Variants in SLC39A9 observed in about 807,000 individuals in gnomAD.
The protein encoded by SLC39A9 is zinc transporter ZIP9.
A neutral mutation model predicts 28.4 loss-of-function variants in SLC39A9; 14 were observed. That is an observed-to-expected ratio of 0.49 (90% CI 0.33 to 0.77). The LOEUF is 0.77. SLC39A9 is among the 30% of genes least tolerant of loss of function. The pLI, the probability that SLC39A9 is intolerant of heterozygous loss-of-function variation, is 0.02. For missense variants in SLC39A9, 283 were observed against 381.1 expected, an observed-to-expected ratio of 0.74 and a Z score of 2.14; for synonymous variants, 119 against 149.6, an observed-to-expected ratio of 0.80 and a Z score of 1.49.
chr14:69,454,857 G>C lies in SLC39A9; in HGVS notation c.518G>C (p.Ser173Thr), dbSNP rs534487237. ...LGAAASTSQT[S>T]VQLIVFVAIM... is the part of the protein sequence containing the mutation. ...GCAGCAGCATCTACTTCACAGACCA[G>C]TGTCCAGTTAATTGTGTTTGTGGCA... Residue 173 changes from serine to threonine, a missense_variant, in exon 5 of 7, where the codon AGT becomes ACT. Physicochemically the swap from Ser to Thr is moderately conservative, Grantham distance 58. Transcript: ENST00000336643. 6.2e-6 allele frequency: 10 copies of C among 1,613,970 alleles called. No individual in the cohort carries two copies. Among genetic ancestry groups the C allele is most frequent in the Non-Finnish European group, 8.5e-6 (10 of 1,179,998 alleles).
In SLC39A9 at chr14:69,459,556, G is replaced by GTT. The variant is rs61361699; in HGVS notation, c.*976_*977dup. ...AAATGTATGGTTGTCCTTTTTTTTT[G>GTT]TTTTTTTTTTTTTTAATTATTTCTC... On this transcript the variant is annotated 3_prime_UTR_variant, in exon 7 of 7. Transcript: ENST00000336643. 240 of 855,704 alleles carry GTT rather than the reference G, an allele frequency of 2.8e-4. No homozygotes were observed. Among genetic ancestry groups the GTT allele is most frequent in the South Asian group, 5.4e-4 (10 of 18,470 alleles). 53.0% of individuals were successfully genotyped at this position (855,704 alleles called of 1,614,324 possible).
intron 2 of SLC39A9, among the ~76,000 whole-genome samples, chr14:69,425,658 T>G (rs1884148793): frequency 6.6e-6 from 1 of 151,944 alleles, no homozygotes; most frequent in East Asian, 1.9e-4. Flanking sequence ...TTGGGGGTTT[T>G]GGGTTTTTTT....
intron 6 of SLC39A9, among the ~76,000 whole-genome samples, chr14:69,457,823 G>T (rs1326027983): frequency 2.0e-5 from 3 of 152,096 alleles, no homozygotes; most frequent in African/African-American, 7.2e-5. Flanking sequence ...GGAGTTCCAG[G>T]CTGTAGTGTG....
At chr14:69,453,153 AT>A in intron 3 of SLC39A9, 87 bp from the exon 4 acceptor site, 3 of 1,138,946 alleles carry the variant, frequency 2.6e-6, no homozygotes, top group Non-Finnish European at 3.9e-6. Flanking sequence ...CCTGGCCAAC[AT>A]TAGTGAAATT....
Position 69,459,855 on chromosome 14 carries a change from C to G in SLC39A9, c.*1262C>G. On this transcript the variant is annotated 3_prime_UTR_variant, in exon 7 of 7. Transcript: ENST00000336643. ...AATTCTTATCAGGACAACCACTTCTCGAACTGTAATAATGAAGATAATAAT... is the reference window on the plus strand; with the variant it reads ...AATTCTTATCAGGACAACCACTTCTGGAACTGTAATAATGAAGATAATAAT... 1.0e-6 allele frequency: 1 copy of G among 985,172 alleles called. No individual in the cohort carries two copies. The allele number at this position is 985,172 out of a possible 1,614,324, so 61.0% of individuals were successfully genotyped here.
rs1447981207 is a variant in SLC39A9, at chr14:69,460,788, T to C, written c.*2195T>C. The C allele has an allele frequency of 4.1e-6, 4 of 985,358 alleles. No homozygotes were observed. Among genetic ancestry groups the C allele is most frequent in the Non-Finnish European group, 4.8e-6 (4 of 829,958 alleles). The allele number at this position is 985,358 out of a possible 1,614,324, so 61.0% of individuals were successfully genotyped here. A position where few individuals can be genotyped will look rare whatever the true frequency, so the allele number is the denominator to read the frequency against. ...AAACCTTTCAGGGCCCTCTTAGCTC[T>C]CAGAAGCTATGTATGGGCTTTCCCA... On this transcript the variant is annotated 3_prime_UTR_variant, in exon 7 of 7. Transcript: ENST00000336643.
rs144063699 is a variant in SLC39A9 at position 69,459,976 on chromosome 14, C to A, written c.*1383C>A. ...TACCACCTCCTCATGTGTAAATTGACACAATCACTAATCTGGTAATTTAAA... is the reference window on the plus strand; with the variant it reads ...TACCACCTCCTCATGTGTAAATTGAAACAATCACTAATCTGGTAATTTAAA... On this transcript the variant is annotated 3_prime_UTR_variant, in exon 7 of 7. Coordinates refer to ENST00000336643, the MANE Select transcript of SLC39A9 (RefSeq NM_018375.5). 9.5e-5 allele frequency: 94 copies of A among 985,082 alleles called. No individual in the cohort carries two copies. The African/African-American group carries it at 1.5e-3, about 15-fold the overall frequency. The allele number at this position is 985,082 out of a possible 1,614,324, so 61.0% of individuals were successfully genotyped here.
chr14:69,433,629 T>C (rs144619945), intron 2 of SLC39A9, among the ~76,000 whole-genome samples: 33 of 152,374 alleles, frequency 2.2e-4, no homozygotes, highest in African/African-American at 7.9e-4. Context: ...GATATAGGAC[T>C]GTTCAAGTTA....
intron 1 of SLC39A9, among the ~76,000 whole-genome samples, chr14:69,417,597 A>G (rs1468775311): frequency 1.3e-5 from 2 of 152,182 alleles, no homozygotes; most frequent in African/African-American, 2.4e-5. Context: ...GATTCTTCCT[A>G]TCCATGAGCA....
upstream of SLC39A9, chr14:69,398,595 G>A: frequency 3.2e-6 from 1 of 312,946 alleles, no homozygotes; most frequent in South Asian, 3.7e-5. Context: ...ACTCAAAAAT[G>A]GCGGCAACGT....
intron 1 of SLC39A9, among the ~76,000 whole-genome samples, chr14:69,411,255 T>A (rs972152052): frequency 6.6e-6 from 1 of 151,974 alleles, no homozygotes; most frequent in African/African-American, 2.4e-5. Flanking sequence ...TTGGCTTGTC[T>A]TTAGGTGAAC....
chr14:69,413,531 T>C (rs1198730175), intron 1 of SLC39A9, among the ~76,000 whole-genome samples: 5 of 152,142 alleles, frequency 3.3e-5, no homozygotes, highest in Non-Finnish European at 7.4e-5. Context: ...AATAGATCTT[T>C]ATATTGAAGA....
intron 2 of SLC39A9, chr14:69,428,770 G>A (rs192152732): frequency 3.3e-5 from 5 of 152,506 alleles, no homozygotes; most frequent in Admixed American, 2.6e-4. Context: ...GCAGAAGTGG[G>A]TCGGTTAAGA....
chr14:69,457,996 G>C (rs1885945980), intron 6 of SLC39A9, among the ~76,000 whole-genome samples: 1 of 152,036 alleles, frequency 6.6e-6, no homozygotes, highest in Non-Finnish European at 1.5e-5. Flanking sequence ...ATTGCTAAGA[G>C]TAAATTTCAG....
intron 1 of SLC39A9, among the ~76,000 whole-genome samples, chr14:69,403,764 C>T (rs1169238909): frequency 2.6e-5 from 4 of 152,132 alleles, no homozygotes; most frequent in Non-Finnish European, 5.9e-5. Flanking sequence ...GCAAAGCAGG[C>T]CAGGCGTGGT....
intron 2 of SLC39A9, among the ~76,000 whole-genome samples, chr14:69,435,499 A>T (rs1884697909): frequency 6.6e-6 from 1 of 152,186 alleles, no homozygotes; most frequent in African/African-American, 2.4e-5. Flanking sequence ...CTCTAGTTTG[A>T]CAACCTCTGT....
Position 69,458,488 on chromosome 14 carries a change from C to T in SLC39A9, c.819C>T (p.His273=). ...AGGTGGGCGGAATAGGGCACAGCCA[C>T]AAGCCCGATGCCACGGGAGGGAGAG... ...LPEVGGIGHS[H]KPDATGGRGL... The change falls in exon 7 of 7, where the codon CAC becomes CAT. Residue 273 remains histidine, a synonymous_variant. Transcript: ENST00000336643. 6.2e-7 allele frequency: 1 copy of T among 1,614,232 alleles called. No individual in the cohort carries two copies. Among genetic ancestry groups the T allele is most frequent in the South Asian group, 1.1e-5 (1 of 91,090 alleles).
chr14:69,450,286 T>TGG (rs1227885538), intron 3 of SLC39A9, among the ~76,000 whole-genome samples: 26 of 152,248 alleles, frequency 1.7e-4, no homozygotes, highest in Admixed American at 1.5e-3. Context: ...TTCTACTTTC[T>TGG]CAGAATCCTT....
At chr14:69,398,546 C>G (rs1882436532), upstream of SLC39A9, 1 of 492,778 alleles carries the variant, frequency 2.0e-6, no homozygotes, top group Non-Finnish European at 3.7e-6. Context: ...AAGTGATCAC[C>G]GGTATAGACA....
Sources: allele counts gnomAD v4.1 joint callset (sites outside exome capture counted in the v4.1 genomes callset), GRCh38; gene constraint gnomAD v4.1.1; transcripts MANE v1.5; gene names NCBI Gene and HGNC (gene_info 2026-07-23, HGNC 2026-07-21).